The following CDH18 variants were observed in gnomAD, a reference collection of about 807,000 sequenced individuals.
The protein encoded by CDH18 is cadherin-18.
Under a neutral mutation model 67.9 loss-of-function variants are expected in CDH18, and 31 were observed. That is an observed-to-expected ratio of 0.46 (90% CI 0.34 to 0.62). The LOEUF (loss-of-function observed/expected upper bound fraction) is 0.62, where lower values mean the gene tolerates loss of function less well. CDH18 is among the 20% of genes least tolerant of loss of function. CDH18 has a pLI of 0.01. For synonymous variants in CDH18, 362 were observed against 347.2 expected (o/e 1.04, Z -0.48); for missense variants, 890 against 975.5 (o/e 0.91, Z 1.17).
At chr5:19,891,561 T>C (rs1788785175) in intron 2 of CDH18, among the ~76,000 whole-genome samples, 1 of 152,144 alleles carries the variant, frequency 6.6e-6, no homozygotes, top group Admixed American at 6.5e-5. Flanking sequence ...CCCAAATTGA[T>C]CAAGATTCCC....
chr5:20,126,705 T>A (rs1197818283), intron 2 of CDH18, among the ~76,000 whole-genome samples: 1 of 152,130 alleles, frequency 6.6e-6, no homozygotes, highest in Non-Finnish European at 1.5e-5. Flanking sequence ...AATAAGTATA[T>A]TAAAAAGATG....
intron 1 of CDH18, among the ~76,000 whole-genome samples, chr5:20,516,879 G>T (rs13357806): frequency 1.1e-4 from 16 of 151,798 alleles, no homozygotes; most frequent in African/African-American, 3.1e-4. Context: ...GACAAATTAC[G>T]TGTTTTCAAA....
chr5:19,625,349 G>A (rs184541221), intron 5 of CDH18, among the ~76,000 whole-genome samples: 1 of 151,390 alleles, frequency 6.6e-6, no homozygotes, highest in South Asian at 2.1e-4. Context: ...TAGAACAAAA[G>A]CTCTACAAGA....
intron 5 of CDH18, among the ~76,000 whole-genome samples, chr5:19,636,778 C>CAA (rs568252583): frequency 0.023 from 3,380 of 145,142 alleles, 58 homozygotes; most frequent in Non-Finnish European, 0.036. Context: ...TACAAGTTAG[C>CAA]AAAAAAAAAA....
At chr5:19,848,489 T>C (rs533903077) in intron 2 of CDH18, among the ~76,000 whole-genome samples, 2 of 152,120 alleles carry the variant, frequency 1.3e-5, no homozygotes, top group Non-Finnish European at 2.9e-5. Flanking sequence ...AATTGGTCCA[T>C]GTATTGTTGA....
At chr5:20,020,308 T>A (rs1738292130) in intron 2 of CDH18, among the ~76,000 whole-genome samples, 1 of 152,160 alleles carries the variant, frequency 6.6e-6, no homozygotes, top group Admixed American at 6.5e-5. Flanking sequence ...AAAGGCCCAT[T>A]TAATGGGGAG....
intron 2 of CDH18, among the ~76,000 whole-genome samples, chr5:19,847,655 C>T (rs1027301230): frequency 3.3e-5 from 5 of 151,862 alleles, no homozygotes; most frequent in African/African-American, 1.2e-4. Flanking sequence ...TTTCCTTTTA[C>T]CTTTGTGTTG....
chr5:20,093,263 A>G (rs1387851616), intron 2 of CDH18, among the ~76,000 whole-genome samples: 1 of 151,928 alleles, frequency 6.6e-6, no homozygotes, highest in Admixed American at 6.6e-5. Flanking sequence ...ACACGAATAT[A>G]TTAACATTTT....
intron 5 of CDH18, among the ~76,000 whole-genome samples, chr5:19,629,086 G>A (rs1752024644): frequency 6.6e-6 from 1 of 152,200 alleles, no homozygotes. Context: ...AACTGTGGCA[G>A]TCTGCCCTAA....
chr5:19,839,923 C>T (rs574240680), intron 2 of CDH18, among the ~76,000 whole-genome samples: 21 of 151,776 alleles, frequency 1.4e-4, no homozygotes, highest in Admixed American at 3.3e-4. Context: ...AAAAAAATAG[C>T]GGTAAATAAA....
intron 3 of CDH18, among the ~76,000 whole-genome samples, chr5:19,828,154 C>T (rs1780611019): frequency 6.6e-6 from 1 of 152,036 alleles, no homozygotes; most frequent in Admixed American, 6.6e-5. Flanking sequence ...AAATATACAA[C>T]CTCTTAAATT....
At chr5:20,280,634 T>A (rs1271551079) in intron 1 of CDH18, among the ~76,000 whole-genome samples, 1 of 152,210 alleles carries the variant, frequency 6.6e-6, no homozygotes, top group Admixed American at 6.5e-5. Flanking sequence ...TGGTTCCAAG[T>A]CTTTGCTATT....
intron 1 of CDH18, among the ~76,000 whole-genome samples, chr5:20,531,278 T>C (rs1217133497): frequency 2.6e-5 from 4 of 152,244 alleles, no homozygotes; most frequent in East Asian, 1.9e-4. Context: ...GGAATGCTTT[T>C]ACACTGTTGG....
At chr5:20,526,873 A>G (rs1055911769) in intron 1 of CDH18, among the ~76,000 whole-genome samples, 6 of 152,086 alleles carry the variant, frequency 3.9e-5, no homozygotes, top group African/African-American at 1.5e-4. Context: ...CTTCTCCTCC[A>G]AATGATTGCA....
intron 2 of CDH18, among the ~76,000 whole-genome samples, chr5:20,186,505 T>A (rs780941677): frequency 2.2e-4 from 34 of 151,824 alleles, no homozygotes; most frequent in Non-Finnish European, 2.4e-4. Context: ...AGGACGTGAA[T>A]AGATATTTTT....
chr5:20,132,555 T>C (rs1191541345), intron 2 of CDH18, among the ~76,000 whole-genome samples: 1 of 152,162 alleles, frequency 6.6e-6, no homozygotes, highest in Non-Finnish European at 1.5e-5. Flanking sequence ...ACCTTTACTA[T>C]TTTTGTGACT....
At chr5:19,913,970 T>G (rs1791443900) in intron 2 of CDH18, among the ~76,000 whole-genome samples, 1 of 152,084 alleles carries the variant, frequency 6.6e-6, no homozygotes, top group South Asian at 2.1e-4. Context: ...ATGCGATTAT[T>G]TTAGCTTCTA....
At chr5:19,740,194 AC>A (rs1395314181) in intron 4 of CDH18, among the ~76,000 whole-genome samples, 2 of 152,166 alleles carry the variant, frequency 1.3e-5, no homozygotes, top group African/African-American at 4.8e-5. Flanking sequence ...ATAACCTGTT[AC>A]TACCTGTTAA....
intron 4 of CDH18, among the ~76,000 whole-genome samples, chr5:19,738,246 G>T (rs1768624880): frequency 1.3e-5 from 2 of 152,082 alleles, no homozygotes; most frequent in African/African-American, 4.8e-5. Flanking sequence ...ATAAGTAAAG[G>T]TGGAAGGTGC....
Sources: allele counts gnomAD v4.1 joint callset (sites outside exome capture counted in the v4.1 genomes callset), GRCh38; gene constraint gnomAD v4.1.1; transcripts MANE v1.5; gene names NCBI Gene and HGNC (gene_info 2026-07-23, HGNC 2026-07-21).